ZCCHC7: variants seen among roughly 807,000 people sequenced by gnomAD.
ZCCHC7 encodes zinc finger CCHC-type containing 7.
A neutral mutation model predicts 52.0 loss-of-function variants in ZCCHC7; 35 were observed. The ratio of observed to expected loss-of-function variants is 0.67; its 90% CI spans 0.51 to 0.89. The LOEUF is 0.89. Among genes scored for constraint, ZCCHC7 ranks in the 40% least tolerant of loss-of-function variants. The pLI, the probability that ZCCHC7 is intolerant of heterozygous loss-of-function variation, is 0.00. For synonymous variants in ZCCHC7, 217 were observed against 221.5 expected (o/e 0.98, Z 0.18); for missense variants, 574 against 649.1 (o/e 0.88, Z 1.26).
intron 2 of ZCCHC7, among the ~76,000 whole-genome samples, chr9:37,259,642 T>C (rs1017999356): frequency 9.9e-5 from 15 of 152,184 alleles, no homozygotes; most frequent in Non-Finnish European, 1.6e-4. Flanking sequence ...TTTAGAACAA[T>C]TTTTCTAAAA....
chr9:37,188,614 C>T (rs1822809161), intron 2 of ZCCHC7, among the ~76,000 whole-genome samples: 1 of 33,612 alleles, frequency 3.0e-5, no homozygotes, highest in Non-Finnish European at 6.2e-5. Flanking sequence ...CCTTCCCTTC[C>T]CCCGCCCCTC....
chr9:37,292,594 TTAGA>T lies in ZCCHC7; in HGVS notation c.611-9587_611-9584del, dbSNP rs1448754574. 6.6e-5 allele frequency among the ~76,000 whole-genome samples: 10 copies of T among 151,938 alleles called. No homozygotes were observed. The South Asian group carries it at 1.9e-3, about 28-fold the overall frequency. Reference sequence around the variant, plus strand: ...TCCTCTTTTATTATGAATTTAGAAATTAGATAGATAAATCCATTAAAAAAAAACA... The same window carrying T: ...TCCTCTTTTATTATGAATTTAGAAATTAGATAAATCCATTAAAAAAAAACA... On this transcript the variant is annotated intron_variant, in intron 2 of 8. Coordinates refer to ENST00000336755, the MANE Select transcript of ZCCHC7 (RefSeq NM_032226.3).
intron 2 of ZCCHC7, among the ~76,000 whole-genome samples, chr9:37,209,604 G>A (rs763661825): frequency 6.6e-6 from 1 of 151,930 alleles, no homozygotes; most frequent in Non-Finnish European, 1.5e-5. Context: ...GTATTTAATG[G>A]TTTCACTCTA....
chr9:37,306,351 G>A (rs1461095232), intron 5 of ZCCHC7, among the ~76,000 whole-genome samples: 4 of 152,158 alleles, frequency 2.6e-5, no homozygotes, highest in African/African-American at 4.8e-5. Context: ...TTGCAGGCGT[G>A]AGCCACTGCA....
chr9:37,314,331 T>TA (rs1177601432), intron 5 of ZCCHC7, among the ~76,000 whole-genome samples: 2 of 151,906 alleles, frequency 1.3e-5, no homozygotes, highest in African/African-American at 4.9e-5. Flanking sequence ...GACTTACTCT[T>TA]CAGTCCAATC....
intron 2 of ZCCHC7, among the ~76,000 whole-genome samples, chr9:37,174,128 A>G (rs1277613679): frequency 6.6e-6 from 1 of 152,116 alleles, no homozygotes; most frequent in Non-Finnish European, 1.5e-5. Flanking sequence ...CCTGGCCGAT[A>G]TGGTGAAACC....
chr9:37,134,908 TA>T (rs1842936976), intron 2 of ZCCHC7, among the ~76,000 whole-genome samples: 1 of 152,020 alleles, frequency 6.6e-6, no homozygotes. Context: ...GTATTTTTAG[TA>T]GAGATGGGGG....
chr9:37,216,604 G>T (rs1564184783), intron 2 of ZCCHC7, among the ~76,000 whole-genome samples: 1 of 152,110 alleles, frequency 6.6e-6, no homozygotes, highest in South Asian at 2.1e-4. Flanking sequence ...AACCTGGGAG[G>T]CAGAGGTTGC....
intron 2 of ZCCHC7, among the ~76,000 whole-genome samples, chr9:37,219,751 G>C (rs1460970950): frequency 6.6e-6 from 1 of 152,218 alleles, no homozygotes; most frequent in East Asian, 1.9e-4. Flanking sequence ...GAGTCCAAAA[G>C]TTTAAATTGT....
chr9:37,186,934 G>C (rs1457628644), intron 2 of ZCCHC7: 2 of 311,560 alleles, frequency 6.4e-6, no homozygotes, highest in African/African-American at 4.3e-5. Flanking sequence ...GACTTTAAAA[G>C]GCAAGTGTAT....
At position 37,126,916 on chromosome 9, in the gene ZCCHC7, T is replaced by A; in HGVS notation, c.584T>A (p.Val195Glu). 6.2e-7 allele frequency: 1 copy of A among 1,613,862 alleles called. No homozygotes were observed. Among genetic ancestry groups the A allele is most frequent in the South Asian group, 1.1e-5 (1 of 91,070 alleles). Residue 195 changes from valine to glutamate, a missense_variant, in exon 2 of 9, where the codon GTG becomes GAG. Physicochemically the swap from Val to Glu is moderately radical, Grantham distance 121. This residue lies in a region of ZCCHC7 where 403 missense variants were observed against 461.2 expected (regional missense o/e 0.87). Coordinates refer to ENST00000336755, the MANE Select transcript of ZCCHC7 (RefSeq NM_032226.3). Reference protein sequence around the residue: ...DKDDDILLNLVGCENSVTEGE... With the variant: ...DKDDDILLNLEGCENSVTEGE... ...GATGATGATATCCTTCTCAACCTTG[T>A]GGGATGTGAAAACTCTGTTACTGAA... is the stretch of plus-strand genomic sequence containing the variant.
At chr9:37,164,605 A>G (rs1821319426) in intron 2 of ZCCHC7, among the ~76,000 whole-genome samples, 1 of 152,100 alleles carries the variant, frequency 6.6e-6, no homozygotes, top group African/African-American at 2.4e-5. Context: ...GAAAAGAAAC[A>G]GGGTCTCCCT....
intron 2 of ZCCHC7, among the ~76,000 whole-genome samples, chr9:37,153,698 A>G (rs1182255976): frequency 6.6e-6 from 1 of 151,128 alleles, no homozygotes; most frequent in Admixed American, 6.6e-5. Flanking sequence ...TTTTTAAAGC[A>G]CTTCGTTACT....
At chr9:37,143,648 G>C (rs778240713) in intron 2 of ZCCHC7, among the ~76,000 whole-genome samples, 2 of 151,702 alleles carry the variant, frequency 1.3e-5, no homozygotes, top group Non-Finnish European at 3.0e-5. Flanking sequence ...TCAAAACGTA[G>C]AGTGCTTGAA....
At chr9:37,140,412 T>C (rs549956570) in intron 2 of ZCCHC7, among the ~76,000 whole-genome samples, 5 of 152,160 alleles carry the variant, frequency 3.3e-5, no homozygotes, top group South Asian at 2.1e-4. Context: ...TAAATATTGC[T>C]GTAAATGTGT....
chr9:37,284,818 C>T (rs1370269251), intron 2 of ZCCHC7, among the ~76,000 whole-genome samples: 1 of 152,180 alleles, frequency 6.6e-6, no homozygotes, highest in Non-Finnish European at 1.5e-5. Flanking sequence ...CTCAATAGTG[C>T]ATACTGCATT....
At chr9:37,260,338 C>T (rs1826806237) in intron 2 of ZCCHC7, among the ~76,000 whole-genome samples, 1 of 152,206 alleles carries the variant, frequency 6.6e-6, no homozygotes, top group Admixed American at 6.5e-5. Context: ...CCACGTCTGT[C>T]CCAGGTATTC....
intron 5 of ZCCHC7, among the ~76,000 whole-genome samples, chr9:37,310,064 A>G (rs566735398): frequency 1.3e-5 from 2 of 152,348 alleles, no homozygotes; most frequent in South Asian, 2.1e-4. Context: ...TCATATTCAA[A>G]TCCTTTCTGT....
At chr9:37,209,157 C>T (rs1383506520) in intron 2 of ZCCHC7, among the ~76,000 whole-genome samples, 2 of 152,092 alleles carry the variant, frequency 1.3e-5, no homozygotes, top group Non-Finnish European at 2.9e-5. Flanking sequence ...TTGCCTGCCT[C>T]AGTCTCCCGA....
Sources: allele counts gnomAD v4.1 joint callset (sites outside exome capture counted in the v4.1 genomes callset), GRCh38; gene constraint gnomAD v4.1.1; regional missense constraint gnomAD v4.1.1; transcripts MANE v1.5; gene names NCBI Gene and HGNC (gene_info 2026-07-23, HGNC 2026-07-21).